MAP3K5: variants seen among roughly 807,000 people sequenced by gnomAD.
MAP3K5 encodes mitogen-activated protein kinase kinase kinase 5, also known as ASK-1.
In MAP3K5, 56 loss-of-function variants were observed where a neutral mutation model predicts 158.7. The observed-to-expected ratio is 0.35, with a 90% CI of 0.28 to 0.44. The LOEUF (loss-of-function observed/expected upper bound fraction) is 0.44. MAP3K5 is among the 20% of genes least tolerant of loss of function. The pLI, the probability that MAP3K5 is intolerant of heterozygous loss-of-function variation, is 1.00. For synonymous variants in MAP3K5, 579 were observed against 601.7 expected, an observed-to-expected ratio of 0.96 and a Z score of 0.55; for missense variants, 1,294 against 1,674.8, an observed-to-expected ratio of 0.77 and a Z score of 3.97.
At chr6:136,699,613 C>T (rs915089716) in intron 3 of MAP3K5, among the ~76,000 whole-genome samples, 1 of 152,148 alleles carries the variant, frequency 6.6e-6, no homozygotes, top group Non-Finnish European at 1.5e-5. Context: ...GGATGATGCC[C>T]AAGCGAGGAT....
At chr6:136,760,160 T>C (rs1322417279) in intron 1 of MAP3K5, among the ~76,000 whole-genome samples, 1 of 152,232 alleles carries the variant, frequency 6.6e-6, no homozygotes, top group East Asian at 1.9e-4. Context: ...TTTTTTAATT[T>C]CTTCAATTAG....
intron 21 of MAP3K5, among the ~76,000 whole-genome samples, chr6:136,598,329 C>T (rs1775721512): frequency 6.6e-6 from 1 of 152,234 alleles, no homozygotes; most frequent in Non-Finnish European, 1.5e-5. Context: ...TGCCTTGAAA[C>T]AGCATTCTCA....
chr6:136,766,070 C>T (rs1783954502), intron 1 of MAP3K5, among the ~76,000 whole-genome samples: 1 of 152,158 alleles, frequency 6.6e-6, no homozygotes, highest in Non-Finnish European at 1.5e-5. Context: ...CCCAGCTGCA[C>T]CACAGGTCAT....
intron 3 of MAP3K5, among the ~76,000 whole-genome samples, chr6:136,700,592 C>T (rs1365250912): frequency 6.6e-6 from 1 of 152,154 alleles, no homozygotes. Context: ...ATGAGAAGAA[C>T]TTCAAAAGGT....
intron 15 of MAP3K5, among the ~76,000 whole-genome samples, chr6:136,621,753 G>T (rs1776812406): frequency 6.6e-6 from 1 of 152,162 alleles, no homozygotes; most frequent in African/African-American, 2.4e-5. Flanking sequence ...GTCTCTTGTG[G>T]ACAGACCTTG....
At chr6:136,693,826 T>C (rs1456637307) in intron 7 of MAP3K5, among the ~76,000 whole-genome samples, 1 of 152,002 alleles carries the variant, frequency 6.6e-6, no homozygotes, top group Non-Finnish European at 1.5e-5. Context: ...CCGTCTCTCC[T>C]AAAAATGTAA....
chr6:136,781,938 G>A lies in MAP3K5; in HGVS notation c.448+9772C>T, dbSNP rs145805035. ...ACATTAAGAGGTATTTGACATGGCCGGGCATGTTGGCTCATGCCAGTAATC... is the reference window on the plus strand; with the variant it reads ...ACATTAAGAGGTATTTGACATGGCCAGGCATGTTGGCTCATGCCAGTAATC... On this transcript the variant is annotated intron_variant, in intron 1 of 29. Transcript: ENST00000359015. Among the ~76,000 whole-genome samples, 259 of 152,038 alleles carry A rather than the reference G, an allele frequency of 1.7e-3. 1 individual carries two copies. Among genetic ancestry groups the A allele is most frequent in the African/African-American group, 6.0e-3 (250 of 41,446 alleles).
At chr6:136,746,290 G>T (rs1289753218) in intron 1 of MAP3K5, among the ~76,000 whole-genome samples, 2 of 151,914 alleles carry the variant, frequency 1.3e-5, no homozygotes, top group Middle Eastern at 3.2e-3. Context: ...AATTTTGAGG[G>T]GGGGGCAGGA....
At chr6:136,731,398 T>C (rs1336171693) in intron 1 of MAP3K5, among the ~76,000 whole-genome samples, 3 of 152,212 alleles carry the variant, frequency 2.0e-5, no homozygotes, top group South Asian at 2.1e-4. Flanking sequence ...TAGGCAGTGC[T>C]CTAGAAGATA....
chr6:136,774,071 G>A (rs1784315090), intron 1 of MAP3K5, among the ~76,000 whole-genome samples: 1 of 151,990 alleles, frequency 6.6e-6, no homozygotes, highest in Non-Finnish European at 1.5e-5. Context: ...AAAATGCCTG[G>A]CACATGTTAA....
At chr6:136,568,975 C>A (rs1175858069) in intron 25 of MAP3K5, among the ~76,000 whole-genome samples, 6 of 150,862 alleles carry the variant, frequency 4.0e-5, no homozygotes, top group Non-Finnish European at 8.8e-5. Flanking sequence ...CCCAAAAAAA[C>A]CTGAAAAAAC....
intron 25 of MAP3K5, among the ~76,000 whole-genome samples, chr6:136,578,617 G>A (rs949677978): frequency 1.3e-5 from 2 of 152,116 alleles, no homozygotes; most frequent in African/African-American, 2.4e-5. Context: ...AAAGGTGCAA[G>A]CCACAGGACA....
At chr6:136,736,939 A>C (rs1427702228) in intron 1 of MAP3K5, among the ~76,000 whole-genome samples, 1 of 151,080 alleles carries the variant, frequency 6.6e-6, no homozygotes, top group Non-Finnish European at 1.5e-5. Flanking sequence ...CAGCCTCCCA[A>C]AGTGTTGGGA....
At chr6:136,696,382 C>T (rs993196184) in intron 5 of MAP3K5, among the ~76,000 whole-genome samples, 7 of 152,306 alleles carry the variant, frequency 4.6e-5, no homozygotes, top group East Asian at 1.9e-4. Context: ...GCCAGATTCC[C>T]GGTATGCAGT....
rs1562510648 is a variant in MAP3K5, at chr6:136,567,626, C to A, written c.3761+5G>T. 2 of 1,612,656 alleles carry A rather than the reference C, an allele frequency of 1.2e-6. No individual in the cohort carries two copies. Among genetic ancestry groups the A allele is most frequent in the Non-Finnish European group, 8.5e-7 (1 of 1,179,052 alleles). ...GAAACCAACCCACGTCAGTGTAGGA[C>A]TTACCTATTGGTTTCTATTTTCATC... On this transcript the variant is annotated splice_donor_5th_base_variant and intron_variant, in intron 26 of 29. Coordinates refer to ENST00000359015, the MANE Select transcript of MAP3K5 (RefSeq NM_005923.4).
chr6:136,617,609 C>T (rs1182561502), intron 15 of MAP3K5, among the ~76,000 whole-genome samples: 1 of 152,088 alleles, frequency 6.6e-6, no homozygotes, highest in African/African-American at 2.4e-5. Context: ...TGTTGTCTCT[C>T]ATATACAGCT....
rs1784675767 is a variant in MAP3K5 at position 136,782,873 on chromosome 6, T to C, written c.448+8837A>G. Among the ~76,000 whole-genome samples, 3 of 152,208 alleles carry C rather than the reference T, an allele frequency of 2.0e-5. No individual in the cohort carries two copies. The South Asian group carries it at 6.2e-4, about 31-fold the overall frequency. On this transcript the variant is annotated intron_variant, in intron 1 of 29. Transcript: ENST00000359015. Reference sequence around the variant, plus strand: ...ATATGAAATGTAAGTTATCAATTATTTACATTTTTTGAACACTTAGACAAG... The same window carrying C: ...ATATGAAATGTAAGTTATCAATTATCTACATTTTTTGAACACTTAGACAAG...
rs1187948467 is a variant in MAP3K5, at chr6:136,580,152, T to A, written c.3517+149A>T. 5.1e-6 allele frequency: 3 copies of A among 591,890 alleles called. No homozygotes were observed. The East Asian group carries it at 8.6e-5, about 17-fold the overall frequency. 36.7% of individuals were successfully genotyped at this position (591,890 alleles called of 1,614,324 possible). A position where few individuals can be genotyped will look rare whatever the true frequency, so the allele number is the denominator to read the frequency against. On this transcript the variant is annotated intron_variant, in intron 25 of 29. Coordinates refer to ENST00000359015, the MANE Select transcript of MAP3K5 (RefSeq NM_005923.4). The stretch of plus-strand genomic sequence containing the variant: ...GCTTGGTGTACCATTATCCAGACTA[T>A]ATGTACTATTTGGTGATGTTGAAAA...
Position 136,699,033 on chromosome 6 carries a change from C to T in MAP3K5, c.613-351G>A, listed in dbSNP as rs188068718. 2.0e-4 allele frequency among the ~76,000 whole-genome samples: 31 copies of T among 152,212 alleles called. No homozygotes were observed. In the East Asian group the frequency reaches 5.2e-3, roughly 26 times the overall value. On this transcript the variant is annotated intron_variant, in intron 3 of 29. Transcript: ENST00000359015. Reference sequence around the variant, plus strand: ...GGGAACTTATAATTTAGTCACAGGGCGCAGCATACACATATGAAAATGCTA... The same window carrying T: ...GGGAACTTATAATTTAGTCACAGGGTGCAGCATACACATATGAAAATGCTA...
Sources: allele counts gnomAD v4.1 joint callset (sites outside exome capture counted in the v4.1 genomes callset), GRCh38; gene constraint gnomAD v4.1.1; transcripts MANE v1.5; gene names NCBI Gene and HGNC (gene_info 2026-07-23, HGNC 2026-07-21).